Variants in KIAA1549L observed in about 807,000 individuals in gnomAD.
KIAA1549L encodes the protein KIAA1549 like.
A neutral mutation model predicts 160.7 loss-of-function variants in KIAA1549L; 88 were observed. The ratio of observed to expected loss-of-function variants is 0.55; its 90% CI spans 0.46 to 0.65. The LOEUF is 0.65. Among genes scored for constraint, KIAA1549L ranks in the 30% least tolerant of loss-of-function variants. The probability of loss-of-function intolerance (pLI) is 0.00; values close to 1 mark genes in which losing one functional copy is unlikely to be tolerated. For synonymous variants in KIAA1549L, 950 were observed against 976.7 expected, an observed-to-expected ratio of 0.97 and a Z score of 0.51; for missense variants, 2,258 against 2,437.5, an observed-to-expected ratio of 0.93 and a Z score of 1.55.
chr11:33,579,118 G>A (rs1212054974), intron 10 of KIAA1549L, among the ~76,000 whole-genome samples: 2 of 152,190 alleles, frequency 1.3e-5, no homozygotes. Flanking sequence ...GGAGCTTGGA[G>A]TCAAGTTAAT....
chr11:33,397,866 GT>G (rs35272326), intron 1 of KIAA1549L, among the ~76,000 whole-genome samples: 1 of 145,238 alleles, frequency 6.9e-6, no homozygotes, highest in African/African-American at 2.6e-5. Flanking sequence ...TTGTTTATTT[GT>G]TTTTTTTAAA....
At chr11:33,617,916 C>CGGATGGATGGAT in intron 15 of KIAA1549L, among the ~76,000 whole-genome samples, 1 of 147,018 alleles carries the variant, frequency 6.8e-6, no homozygotes, top group South Asian at 2.2e-4. Context: ...GACGGATGGA[C>CGGATGGATGGAT]GGATGGATGG....
At chr11:33,410,136 T>C (rs1014659635) in intron 1 of KIAA1549L, among the ~76,000 whole-genome samples, 3 of 152,172 alleles carry the variant, frequency 2.0e-5, no homozygotes, top group African/African-American at 7.2e-5. Flanking sequence ...AACCCTTCAA[T>C]TTTTGGAGAA....
At chr11:33,518,949 G>A (rs535967280) in intron 1 of KIAA1549L, among the ~76,000 whole-genome samples, 2 of 152,300 alleles carry the variant, frequency 1.3e-5, no homozygotes, top group African/African-American at 2.4e-5. Flanking sequence ...TATCCTATGA[G>A]TATCACATTG....
In KIAA1549L at chr11:33,668,545, G is replaced by A; in HGVS notation, c.*391G>A. 4.1e-6 allele frequency: 1 copy of A among 246,404 alleles called. No homozygotes were observed. The highest frequency in any genetic ancestry group is 8.0e-6 in the Non-Finnish European group (1 of 124,974). The allele number at this position is 246,404 out of a possible 1,614,324, so 15.3% of individuals were successfully genotyped here. ...CTCTTATCTTCGGTGACCTCTGCATGTTAACTCTGTTTCTGTGTTAAAGGC... is the reference window on the plus strand; with the variant it reads ...CTCTTATCTTCGGTGACCTCTGCATATTAACTCTGTTTCTGTGTTAAAGGC... On this transcript the variant is annotated 3_prime_UTR_variant, in exon 21 of 21. Transcript: ENST00000658780.
At chr11:33,482,488 T>C (rs544101073) in intron 1 of KIAA1549L, among the ~76,000 whole-genome samples, 2 of 152,168 alleles carry the variant, frequency 1.3e-5, no homozygotes, top group East Asian at 3.9e-4. Context: ...AATTAAAAAT[T>C]AATGCTGAAT....
At chr11:33,454,955 G>A (rs1367957852) in intron 1 of KIAA1549L, among the ~76,000 whole-genome samples, 2 of 152,134 alleles carry the variant, frequency 1.3e-5, no homozygotes, top group African/African-American at 4.8e-5. Context: ...CGGGCGTGGT[G>A]GCAGGCGCCT....
chr11:33,603,873 A>G (rs1850428871), intron 13 of KIAA1549L, among the ~76,000 whole-genome samples: 1 of 151,920 alleles, frequency 6.6e-6, no homozygotes, highest in Non-Finnish European at 1.5e-5. Context: ...GAGAGGGACT[A>G]AATGAGTTCA....
At chr11:33,409,237 G>A (rs1268592220) in intron 1 of KIAA1549L, among the ~76,000 whole-genome samples, 1 of 152,146 alleles carries the variant, frequency 6.6e-6, no homozygotes, top group African/African-American at 2.4e-5. Context: ...AAACCCCAGT[G>A]TTTTTGAGGT....
At chr11:33,655,230 T>C (rs1168254607) in intron 17 of KIAA1549L, among the ~76,000 whole-genome samples, 1 of 152,154 alleles carries the variant, frequency 6.6e-6, no homozygotes, top group Non-Finnish European at 1.5e-5. Flanking sequence ...TATCTTTGAA[T>C]AGTGCTTTAT....
intron 1 of KIAA1549L, among the ~76,000 whole-genome samples, chr11:33,510,773 G>A (rs768093565): frequency 7.2e-5 from 11 of 152,352 alleles, no homozygotes; most frequent in Middle Eastern, 3.4e-3. Context: ...TGCAGAGGCC[G>A]CTCCAGTGGG....
At chr11:33,661,110 C>T in intron 20 of KIAA1549L, 96 bp downstream of exon 20, 6 of 1,219,768 alleles carry the variant, frequency 4.9e-6, no homozygotes, top group Non-Finnish European at 6.8e-6. Context: ...GTTTTGTTAT[C>T]TCAGCCTCCT....
chr11:33,430,655 G>A (rs1324347624), intron 1 of KIAA1549L, among the ~76,000 whole-genome samples: 1 of 152,136 alleles, frequency 6.6e-6, no homozygotes, highest in African/African-American at 2.4e-5. Context: ...CTTTTGTCTT[G>A]GTTCCCTAAT....
At chr11:33,511,499 G>T (rs1033498501) in intron 1 of KIAA1549L, among the ~76,000 whole-genome samples, 3 of 152,196 alleles carry the variant, frequency 2.0e-5, no homozygotes, top group African/African-American at 4.8e-5. Context: ...ATGGGAAGAT[G>T]CTGGGAAAGG....
rs377051911 is a variant in KIAA1549L at position 33,631,472 on chromosome 11, A to G, written c.5409+12810A>G. Among the ~76,000 whole-genome samples the G allele has an allele frequency of 1.3e-3, 198 of 152,188 alleles. 6 individuals carry two copies. The South Asian group carries it at 0.038, about 29-fold the overall frequency. ...ACTTAGGGCTGTAGAGTTTCTTCAT[A>G]TGGTGCGCTGTCCTGTACGTTACAG... On this transcript the variant is annotated intron_variant, in intron 16 of 20. Coordinates refer to ENST00000658780, the MANE Select transcript of KIAA1549L (RefSeq NM_012194.3).
At chr11:33,383,295 AC>A (rs1485083758) in intron 1 of KIAA1549L, among the ~76,000 whole-genome samples, 5 of 151,604 alleles carry the variant, frequency 3.3e-5, no homozygotes, top group Admixed American at 1.3e-4. Flanking sequence ...TTAAAGACAA[AC>A]AAAAACTCCA....
intron 20 of KIAA1549L, among the ~76,000 whole-genome samples, chr11:33,666,321 C>T (rs1031589578): frequency 8.5e-5 from 13 of 152,234 alleles, no homozygotes; most frequent in African/African-American, 3.1e-4. Flanking sequence ...ATCCCTGCTG[C>T]AGCCAGTATG....
chr11:33,452,293 G>A (rs1380709434), intron 1 of KIAA1549L, among the ~76,000 whole-genome samples: 5 of 152,160 alleles, frequency 3.3e-5, no homozygotes, highest in Non-Finnish European at 7.4e-5. Context: ...TTAGGTTGGT[G>A]CAAAAGTAAT....
At chr11:33,632,173 G>T (rs1193458893) in intron 16 of KIAA1549L, among the ~76,000 whole-genome samples, 5 of 152,190 alleles carry the variant, frequency 3.3e-5, no homozygotes, top group Non-Finnish European at 5.9e-5. Flanking sequence ...GCATGGTTTG[G>T]TTGGGGCCCC....
Sources: gnomAD v4.1 joint callset for allele counts (sites outside exome capture counted in the v4.1 genomes callset) on GRCh38, gnomAD v4.1.1 for gene constraint, MANE v1.5 for transcripts, NCBI Gene and HGNC (gene_info 2026-07-23, HGNC 2026-07-21) for gene names.